Variants in DMD observed in about 807,000 individuals in gnomAD.
DMD encodes dystrophin, also known as mutant dystrophin.
In DMD, 63 loss-of-function variants were observed where a neutral mutation model predicts 330.1. The ratio of observed to expected loss-of-function variants is 0.19; its 90% CI spans 0.16 to 0.24. DMD has a LOEUF of 0.24. DMD is among the 10% of genes least tolerant of loss of function. DMD has a pLI of 1.00. For synonymous variants in DMD, 1,223 were observed against 959.8 expected (o/e 1.27, Z -5.07); for missense variants, 3,344 against 2,684.1 (o/e 1.25, Z -5.43).
At position 31,540,903 on chromosome X, in the gene DMD, T is replaced by G. The variant is rs1357108219; in HGVS notation, c.8218-33450A>C. Among the ~76,000 whole-genome samples, 3 of 112,403 alleles carry G rather than the reference T, an allele frequency of 2.7e-5. No individual in the cohort carries two copies. The Admixed American group carries it at 2.9e-4, about 11-fold the overall frequency. On this transcript the variant is annotated intron_variant, in intron 55 of 78. Coordinates refer to ENST00000357033, the MANE Select transcript of DMD (RefSeq NM_004006.3). ...TGAAAAAGATCTTAATTTCCAAAAC[T>G]GTTTCTGCTCAGAAAGAAGTAAGAG...
chrX:32,438,806 G>A (rs1383301784), intron 28 of DMD, among the ~76,000 whole-genome samples: 1 of 111,601 alleles, frequency 9.0e-6, no homozygotes. Context: ...TGGCCTGGAG[G>A]TATAACAATC....
chrX:32,454,048 T>C lies in DMD; in HGVS notation c.3603+614A>G, dbSNP rs6527201. 2.7e-5 allele frequency among the ~76,000 whole-genome samples: 3 copies of C among 110,188 alleles called. No individual in the cohort carries two copies. The East Asian group carries it at 8.6e-4, about 32-fold the overall frequency. ...GAGGATTATATTGACTATTATATTG[T>C]TGCCCAAGGCCATACGAAATGCCAC... On this transcript the variant is annotated intron_variant, in intron 26 of 78. Coordinates refer to ENST00000357033, the MANE Select transcript of DMD (RefSeq NM_004006.3).
chrX:32,292,233 C>T (rs1256272832), intron 42 of DMD, among the ~76,000 whole-genome samples: 1 of 108,924 alleles, frequency 9.2e-6, no homozygotes, highest in African/African-American at 3.4e-5. Flanking sequence ...TGTATTCTCT[C>T]ATCCAGAGAT....
chrX:31,387,278 A>C (rs1242273828), intron 60 of DMD, among the ~76,000 whole-genome samples: 1 of 112,291 alleles, frequency 8.9e-6, no homozygotes, highest in Non-Finnish European at 1.9e-5. Context: ...AGGAATTCAG[A>C]TGAGGTGAAT....
At chrX:31,593,161 T>C (rs777140267) in intron 55 of DMD, among the ~76,000 whole-genome samples, 2 of 111,522 alleles carry the variant, frequency 1.8e-5, no homozygotes, top group South Asian at 3.7e-4. Flanking sequence ...GTAAACCGCA[T>C]ATAGAAAATC....
At chrX:32,433,391 A>G (rs768593646) in intron 29 of DMD, among the ~76,000 whole-genome samples, 1 of 111,832 alleles carries the variant, frequency 8.9e-6, no homozygotes, top group African/African-American at 3.2e-5. Context: ...GAAAAACCAT[A>G]TATCGGCCGG....
At chrX:33,188,234 A>ATCTCTC (rs745634940) in intron 1 of DMD, among the ~76,000 whole-genome samples, 1 of 104,503 alleles carries the variant, frequency 9.6e-6, no homozygotes, top group Non-Finnish European at 2.0e-5. Flanking sequence ...TCCTTTAACC[A>ATCTCTC]TCTCTCTCTC....
At chrX:32,332,413 A>AGTGT (rs111973319) in intron 41 of DMD, among the ~76,000 whole-genome samples, 7,598 of 95,211 alleles carry the variant, frequency 0.08, 310 homozygotes, top group Admixed American at 0.15. Context: ...ATGGATAAAA[A>AGTGT]GTGTGTGTGT....
In DMD at chrX:31,180,450, T is replaced by C. The variant is rs756953567; in HGVS notation, c.10006A>G (p.Ile3336Val). ...CCAGAAAAAAAGCAGCTTTGGCAGATGTCATAATTAAAGTGCTTTAGACTC... is the reference window on the plus strand; with the variant it reads ...CCAGAAAAAAAGCAGCTTTGGCAGACGTCATAATTAAAGTGCTTTAGACTC... ...YRSLKHFNYDICQSCFFSGRV... is the reference protein window; with the variant it reads ...YRSLKHFNYDVCQSCFFSGRV... The change falls in exon 69 of 79, where the codon ATC becomes GTC. Residue 3336 changes from isoleucine (I) to valine (V), a missense_variant. Transcript: ENST00000357033. 2.5e-6 allele frequency: 3 copies of C among 1,208,002 alleles called. No homozygotes were observed. Among genetic ancestry groups the C allele is most frequent in the Non-Finnish European group, 2.2e-6 (2 of 892,088 alleles).
At chrX:31,658,258 A>G in intron 53 of DMD, 114 bp from the exon 54 acceptor site, 7 of 837,835 alleles carry the variant, frequency 8.4e-6, no homozygotes, top group Non-Finnish European at 1.2e-5. Context: ...CAGAATACAT[A>G]TATTAGATTG....
intron 2 of DMD, among the ~76,000 whole-genome samples, chrX:32,863,537 T>TATACACAC (rs766140903): frequency 1.3e-5 from 1 of 78,240 alleles, no homozygotes; most frequent in African/African-American, 6.3e-5. Context: ...ATTGTGTTTA[T>TATACACAC]ACACACACAC....
chrX:32,137,662 A>G (rs1238041521), intron 44 of DMD, among the ~76,000 whole-genome samples: 15 of 110,461 alleles, frequency 1.4e-4, no homozygotes, highest in Non-Finnish European at 5.7e-5. Context: ...CCTATGCAGG[A>G]TTGTTACATG....
At chrX:31,859,865 G>A (rs2093671918) in intron 48 of DMD, among the ~76,000 whole-genome samples, 1 of 112,239 alleles carries the variant, frequency 8.9e-6, no homozygotes. Context: ...GCCACCAAGG[G>A]AGGTAACTTG....
intron 63 of DMD, among the ~76,000 whole-genome samples, chrX:31,255,888 G>T (rs1324325727): frequency 9.6e-6 from 1 of 104,555 alleles, no homozygotes; most frequent in Non-Finnish European, 1.9e-5. Flanking sequence ...TGATTCTTCA[G>T]CCTCGGCCTC....
At chrX:32,931,361 T>A (rs967645319) in intron 2 of DMD, among the ~76,000 whole-genome samples, 8 of 111,516 alleles carry the variant, frequency 7.2e-5, no homozygotes, top group Non-Finnish European at 1.5e-4. Context: ...TTACTGTCGA[T>A]AGTTGCGTTA....
At chrX:32,138,800 C>A (rs2096739695) in intron 44 of DMD, among the ~76,000 whole-genome samples, 1 of 112,070 alleles carries the variant, frequency 8.9e-6, no homozygotes, top group East Asian at 2.8e-4. Context: ...TCCATTTCCT[C>A]CAACTGTGCC....
intron 9 of DMD, among the ~76,000 whole-genome samples, chrX:32,691,965 C>G: frequency 9.1e-6 from 1 of 109,869 alleles, no homozygotes; most frequent in Non-Finnish European, 1.9e-5. Flanking sequence ...TCAAGCTGAT[C>G]AAATCAGAGA....
At chrX:31,823,002 C>G (rs182543319) in intron 49 of DMD, among the ~76,000 whole-genome samples, 1 of 69,152 alleles carries the variant, frequency 1.4e-5, no homozygotes, top group Admixed American at 1.4e-4. Flanking sequence ...ATTTTACGTG[C>G]CCACCCTATC....
At chrX:32,859,985 T>A (rs2081952338) in intron 2 of DMD, among the ~76,000 whole-genome samples, 1 of 111,811 alleles carries the variant, frequency 8.9e-6, no homozygotes, top group Non-Finnish European at 1.9e-5. Context: ...TGAGTGGATA[T>A]CTGATATTAC....
Sources: allele counts gnomAD v4.1 joint callset (sites outside exome capture counted in the v4.1 genomes callset), GRCh38; gene constraint gnomAD v4.1.1; transcripts MANE v1.5; gene names NCBI Gene and HGNC (gene_info 2026-07-23, HGNC 2026-07-21).